FILIP1L: variants seen among roughly 807,000 people sequenced by gnomAD.
FILIP1L encodes the protein filamin A interacting protein 1 like, also known as filamin A-interacting protein 1-like.
In FILIP1L, 55 loss-of-function variants were observed where a neutral mutation model predicts 96.6. That is an observed-to-expected ratio of 0.57 (90% CI 0.46 to 0.71). FILIP1L has a LOEUF of 0.71. FILIP1L is among the 30% of genes least tolerant of loss of function. The pLI is 0.00. For missense variants in FILIP1L, 1,304 were observed against 1,321.2 expected (o/e 0.99, Z 0.20); for synonymous variants, 467 against 473.9 (o/e 0.99, Z 0.19).
At chr3:99,979,890 G>A (rs1006579933) in intron 1 of FILIP1L, among the ~76,000 whole-genome samples, 2 of 152,154 alleles carry the variant, frequency 1.3e-5, no homozygotes, top group African/African-American at 4.8e-5. Context: ...TTAAAAGAGA[G>A]AGAGCGGGAC....
chr3:99,894,669 C>T (rs574225197), intron 4 of FILIP1L, among the ~76,000 whole-genome samples: 1 of 152,246 alleles, frequency 6.6e-6, no homozygotes, highest in South Asian at 2.1e-4. Flanking sequence ...GATATTTCCT[C>T]ATAAAAACGA....
rs116245748 is a variant in FILIP1L at position 99,929,164 on chromosome 3, A to C, written c.426+692T>G. ...TCTCAGAGGAAAATTAAAGAATAAA[A>C]TAAGAATTCCAAAGGGTTTCAGAAA... On this transcript the variant is annotated intron_variant, in intron 3 of 5. Transcript: ENST00000477258. Among the ~76,000 whole-genome samples, 684 of 152,352 alleles carry C rather than the reference A, an allele frequency of 4.5e-3. 7 individuals carry two copies. Among genetic ancestry groups the C allele is most frequent in the African/African-American group, 0.016 (670 of 41,584 alleles).
At chr3:99,975,789 C>T (rs939957727) in intron 1 of FILIP1L, among the ~76,000 whole-genome samples, 3 of 152,116 alleles carry the variant, frequency 2.0e-5, no homozygotes, top group Non-Finnish European at 4.4e-5. Context: ...ATTGAAAAGT[C>T]GTGTATATGT....
chr3:100,079,264 C>A (rs1274883894), intron 1 of FILIP1L, among the ~76,000 whole-genome samples: 1 of 152,154 alleles, frequency 6.6e-6, no homozygotes, highest in Non-Finnish European at 1.5e-5. Flanking sequence ...ACTATCGATG[C>A]TTTCTGTTGG....
At chr3:100,047,632 G>A (rs1025128314) in intron 1 of FILIP1L, among the ~76,000 whole-genome samples, 1 of 152,196 alleles carries the variant, frequency 6.6e-6, no homozygotes, top group Non-Finnish European at 1.5e-5. Flanking sequence ...AACTGCAGGT[G>A]TCTGTCAAGA....
At position 99,992,002 on chromosome 3, in the gene FILIP1L, A is replaced by ATG. The variant is rs1201211092; in HGVS notation, c.-10-60974_-10-60973dup. Reference sequence around the variant, plus strand: ...TATATGTGTATATATACGTATATATATGTGTGTGTGTATATATATATATAC... The same window carrying ATG: ...TATATGTGTATATATACGTATATATATGTGTGTGTGTGTATATATATATATAC... On this transcript the variant is annotated intron_variant, in intron 1 of 5. Transcript: ENST00000477258. Among the ~76,000 whole-genome samples the ATG allele has an allele frequency of 9.4e-5, 14 of 149,716 alleles. No homozygotes were observed. In the South Asian group the frequency reaches 1.3e-3, roughly 13 times the overall value.
chr3:99,943,627 C>T (rs1468476057), intron 1 of FILIP1L, among the ~76,000 whole-genome samples: 10 of 152,014 alleles, frequency 6.6e-5, no homozygotes, highest in Non-Finnish European at 1.2e-4. Context: ...TCGCTTGAAC[C>T]CGGGAGGTGG....
chr3:100,016,442 C>T (rs569612744), intron 1 of FILIP1L, among the ~76,000 whole-genome samples: 3 of 152,276 alleles, frequency 2.0e-5, no homozygotes, highest in African/African-American at 4.8e-5. Flanking sequence ...CCACCCACCT[C>T]GGAAAGTGCT....
Position 99,850,472 on chromosome 3 carries a change from T to C in FILIP1L, c.1204A>G (p.Arg402Gly). ...CTCTGTAACGTCTCCCTTTCAAGCC[T>C]CTTATTGAGATCTCTGCACTGCTCC... ...MEEQCRDLNKRLERETLQSKD... is the reference protein window; with the variant it reads ...MEEQCRDLNKGLERETLQSKD... Residue 402 changes from arginine (R) to glycine (G), a missense_variant, in exon 5 of 6, where the codon AGG becomes GGG. Arg to Gly is a moderately radical substitution (Grantham distance 125). Coordinates refer to ENST00000477258, the MANE Select transcript of FILIP1L (RefSeq NM_001387850.1). 1 of 1,613,954 alleles carries C rather than the reference T, an allele frequency of 6.2e-7. No homozygotes were observed. Among genetic ancestry groups the C allele is most frequent in the East Asian group, 2.2e-5 (1 of 44,888 alleles).
intron 1 of FILIP1L, among the ~76,000 whole-genome samples, chr3:100,053,285 G>C (rs1318620378): frequency 2.0e-5 from 3 of 152,300 alleles, no homozygotes; most frequent in African/African-American, 7.2e-5. Context: ...CACAGTTCTA[G>C]AGGCTAGAAG....
Position 99,849,920 on chromosome 3 carries a change from T to A in FILIP1L, c.1756A>T (p.Asn586Tyr). 6.2e-7 allele frequency: 1 copy of A among 1,612,572 alleles called. No individual in the cohort carries two copies. Residue 586 changes from asparagine to tyrosine, a missense_variant, in exon 5 of 6, where the codon AAT (asparagine) becomes TAT (tyrosine). Physicochemically the swap from Asn to Tyr is moderately radical, Grantham distance 143. Coordinates refer to ENST00000477258, the MANE Select transcript of FILIP1L (RefSeq NM_001387850.1). ...EKGNDLLSRVNMLKNRLQSLE... is the reference protein window; with the variant it reads ...EKGNDLLSRVYMLKNRLQSLE... Reference sequence around the variant, plus strand: ...GATTGAAGCCTATTTTTCAACATATTAACTCTTGACAGGAGATCATTTCCT... The same window carrying A: ...GATTGAAGCCTATTTTTCAACATATAAACTCTTGACAGGAGATCATTTCCT...
intron 1 of FILIP1L, among the ~76,000 whole-genome samples, chr3:99,960,453 G>A (rs1006422644): frequency 6.6e-6 from 1 of 152,124 alleles, no homozygotes; most frequent in Non-Finnish European, 1.5e-5. Flanking sequence ...ACCCACAGGG[G>A]AAAAATCAAA....
chr3:99,887,905 C>A (rs1482251596), intron 4 of FILIP1L, among the ~76,000 whole-genome samples: 2 of 151,988 alleles, frequency 1.3e-5, no homozygotes, highest in Non-Finnish European at 2.9e-5. Flanking sequence ...CCACACCTGG[C>A]TAATTTTTTT....
chr3:100,035,772 A>T (rs575817685), intron 1 of FILIP1L, among the ~76,000 whole-genome samples: 1 of 152,322 alleles, frequency 6.6e-6, no homozygotes, highest in South Asian at 2.1e-4. Flanking sequence ...AAAAGAAAGA[A>T]TCCCCATGTG....
intron 4 of FILIP1L, among the ~76,000 whole-genome samples, chr3:99,862,067 A>G (rs747770757): frequency 6.6e-6 from 1 of 152,232 alleles, no homozygotes; most frequent in South Asian, 2.1e-4. Context: ...GTACTAAAAG[A>G]GTAGGTTTTA....
At chr3:99,994,293 C>T (rs1303757130) in intron 1 of FILIP1L, among the ~76,000 whole-genome samples, 1 of 152,106 alleles carries the variant, frequency 6.6e-6, no homozygotes, top group African/African-American at 2.4e-5. Flanking sequence ...TAGTAGGGGA[C>T]TTTATTGTCC....
intron 1 of FILIP1L, among the ~76,000 whole-genome samples, chr3:100,093,218 T>C (rs957741014): frequency 1.3e-5 from 2 of 152,282 alleles, no homozygotes; most frequent in Non-Finnish European, 2.9e-5. Flanking sequence ...TATACTGAGT[T>C]GAGCAGCTTA....
At chr3:99,918,176 C>G (rs1292940644) in intron 4 of FILIP1L, among the ~76,000 whole-genome samples, 1 of 152,018 alleles carries the variant, frequency 6.6e-6, no homozygotes, top group African/African-American at 2.4e-5. Context: ...CAGGGTTTCA[C>G]CATTTTGGCC....
chr3:99,947,903 A>G (rs939090144), intron 1 of FILIP1L, among the ~76,000 whole-genome samples: 2 of 152,174 alleles, frequency 1.3e-5, no homozygotes, highest in Non-Finnish European at 2.9e-5. Flanking sequence ...CCTTTCATGG[A>G]GGAAGCTGTT....
Sources: allele counts gnomAD v4.1 joint callset (sites outside exome capture counted in the v4.1 genomes callset), GRCh38; gene constraint gnomAD v4.1.1; transcripts MANE v1.5; gene names NCBI Gene and HGNC (gene_info 2026-07-23, HGNC 2026-07-21).